PRKN: variants seen among roughly 807,000 people sequenced by gnomAD.
PRKN encodes E3 ubiquitin-protein ligase parkin.
A neutral mutation model predicts 59.5 loss-of-function variants in PRKN; 56 were observed. That is an observed-to-expected ratio of 0.94 (90% confidence interval 0.76 to 1.18). The LOEUF is 1.18. PRKN is among the 50% of genes most tolerant of loss of function. The pLI is 0.00. For missense variants in PRKN, 657 were observed against 596.4 expected (o/e 1.10, Z -1.06); for synonymous variants, 250 against 222.1 (o/e 1.13, Z -1.12).
At chr6:161,620,414 A>T (rs1429344948) in intron 7 of PRKN, among the ~76,000 whole-genome samples, 1 of 152,108 alleles carries the variant, frequency 6.6e-6, no homozygotes, top group Admixed American at 6.6e-5. Context: ...AAAATGAATG[A>T]CGTTAAGGAA....
At chr6:161,923,203 G>T (rs1778846730) in intron 6 of PRKN, among the ~76,000 whole-genome samples, 1 of 152,222 alleles carries the variant, frequency 6.6e-6, no homozygotes, top group African/African-American at 2.4e-5. Flanking sequence ...GCAGTTGGGG[G>T]CCAGTGCCGG....
At chr6:162,531,189 C>G (rs994027393) in intron 1 of PRKN, among the ~76,000 whole-genome samples, 1 of 151,904 alleles carries the variant, frequency 6.6e-6, no homozygotes, top group Non-Finnish European at 1.5e-5. Context: ...CAAACCCCAT[C>G]TCTACTAAAC....
chr6:161,726,523 G>A (rs1349671440), intron 7 of PRKN, among the ~76,000 whole-genome samples: 1 of 152,150 alleles, frequency 6.6e-6, no homozygotes, highest in Admixed American at 6.5e-5. Flanking sequence ...TTGAATCCAA[G>A]AATGTCCCTC....
At chr6:161,706,143 A>G (rs1786482396) in intron 7 of PRKN, among the ~76,000 whole-genome samples, 1 of 151,606 alleles carries the variant, frequency 6.6e-6, no homozygotes, top group South Asian at 2.1e-4. Flanking sequence ...ATCTCTACCC[A>G]TTTCGATTCA....
intron 1 of PRKN, among the ~76,000 whole-genome samples, chr6:162,534,540 T>C (rs531680515): frequency 4.1e-4 from 63 of 152,312 alleles, no homozygotes; most frequent in African/African-American, 1.4e-3. Context: ...GGCTTTATTT[T>C]TTGCACAGAG....
chr6:161,427,312 T>G (rs1459744191), intron 9 of PRKN, among the ~76,000 whole-genome samples: 1 of 152,208 alleles, frequency 6.6e-6, no homozygotes, highest in Non-Finnish European at 1.5e-5. Flanking sequence ...CCTAAACTAG[T>G]GCTTTATGCG....
At chr6:162,450,526 A>G (rs1177759894) in intron 1 of PRKN, among the ~76,000 whole-genome samples, 1 of 152,118 alleles carries the variant, frequency 6.6e-6, no homozygotes, top group Non-Finnish European at 1.5e-5. Flanking sequence ...ATCAAGGTCA[A>G]CATCAACAGT....
chr6:161,624,196 T>C (rs534583486), intron 7 of PRKN, among the ~76,000 whole-genome samples: 1 of 152,360 alleles, frequency 6.6e-6, no homozygotes, highest in African/African-American at 2.4e-5. Flanking sequence ...TTAGTTACAG[T>C]AATTTACTTT....
rs189007390 is a variant in PRKN, at chr6:161,989,637, G to A, written c.619-16220C>T. ...GCCTGCACCCACACACACTATTGGGGACCTGAGGACAGGACTGCCCCACCT... is the reference window on the plus strand; with the variant it reads ...GCCTGCACCCACACACACTATTGGGAACCTGAGGACAGGACTGCCCCACCT... On this transcript the variant is annotated intron_variant, in intron 5 of 11. Coordinates refer to ENST00000366898, the MANE Select transcript of PRKN (RefSeq NM_004562.3). Among the ~76,000 whole-genome samples, 624 of 152,250 alleles carry A rather than the reference G, an allele frequency of 4.1e-3. 2 individuals carry two copies. The highest frequency in any genetic ancestry group is 0.014 in the African/African-American group (591 of 41,544).
At chr6:161,890,711 T>A (rs1199344576) in intron 6 of PRKN, among the ~76,000 whole-genome samples, 2 of 152,252 alleles carry the variant, frequency 1.3e-5, no homozygotes, top group African/African-American at 4.8e-5. Flanking sequence ...TTCAAGGCAC[T>A]GTTGATTCAT....
chr6:162,359,445 C>T (rs1023865432), intron 2 of PRKN, among the ~76,000 whole-genome samples: 1 of 152,010 alleles, frequency 6.6e-6, no homozygotes, highest in South Asian at 2.1e-4. Flanking sequence ...GGAAAAAATT[C>T]AATCACTTGA....
intron 9 of PRKN, among the ~76,000 whole-genome samples, chr6:161,481,379 C>T (rs1185353076): frequency 5.9e-5 from 9 of 152,162 alleles, no homozygotes; most frequent in African/African-American, 1.7e-4. Flanking sequence ...CAGAGGCAGG[C>T]GGATGATGAG....
At position 161,400,294 on chromosome 6, in the gene PRKN, G is replaced by A. The variant is rs1433592968; in HGVS notation, c.1084-13417C>T. 1.3e-5 allele frequency among the ~76,000 whole-genome samples: 2 copies of A among 151,574 alleles called. No homozygotes were observed. The highest frequency in any genetic ancestry group is 2.9e-5 in the Non-Finnish European group (2 of 67,910). ...TGAGCTGGGGACATGGGGAAGATTA[G>A]AAAATTAAACCTAATCTTTTTTTTT... On this transcript the variant is annotated intron_variant, in intron 9 of 11. Transcript: ENST00000366898. The surrounding 1 kb of genome is among the most constrained non-coding windows in gnomAD (Gnocchi z 4.2).
intron 2 of PRKN, among the ~76,000 whole-genome samples, chr6:162,350,727 A>C (rs1784588304): frequency 6.6e-6 from 1 of 152,226 alleles, no homozygotes; most frequent in Admixed American, 6.5e-5. Flanking sequence ...TTCTAGAAGA[A>C]AACAAAATAA....
At chr6:162,114,977 C>G (rs1780602813) in intron 4 of PRKN, among the ~76,000 whole-genome samples, 2 of 151,522 alleles carry the variant, frequency 1.3e-5, no homozygotes, top group South Asian at 4.2e-4. Flanking sequence ...CCATTTGACC[C>G]AGGCATCCCA....
intron 2 of PRKN, among the ~76,000 whole-genome samples, chr6:162,420,478 G>C (rs1198746838): frequency 6.6e-6 from 1 of 152,146 alleles, no homozygotes; most frequent in Non-Finnish European, 1.5e-5. Flanking sequence ...GCTGCTAACA[G>C]TGCAGATTGC....
intron 1 of PRKN, among the ~76,000 whole-genome samples, chr6:162,572,035 G>T (rs1780353763): frequency 6.6e-6 from 1 of 152,054 alleles, no homozygotes; most frequent in Non-Finnish European, 1.5e-5. Context: ...TGAACAATTA[G>T]TGTATCTTTG....
intron 5 of PRKN, among the ~76,000 whole-genome samples, chr6:162,048,656 T>C (rs1434374235): frequency 1.3e-5 from 2 of 148,416 alleles, no homozygotes; most frequent in Non-Finnish European, 3.0e-5. Flanking sequence ...CTGGGCCACA[T>C]AGGAAGAAGA....
intron 7 of PRKN, among the ~76,000 whole-genome samples, chr6:161,688,505 T>C (rs1456155669): frequency 6.6e-6 from 1 of 152,202 alleles, no homozygotes. Context: ...AAAACATAAA[T>C]TTCATTCCTT....
Sources: gnomAD v4.1 joint callset for allele counts (sites outside exome capture counted in the v4.1 genomes callset) on GRCh38, gnomAD v4.1.1 for gene constraint, Gnocchi (gnomAD v3.1) non-coding constraint, MANE v1.5 for transcripts, NCBI Gene and HGNC (gene_info 2026-07-23, HGNC 2026-07-21) for gene names.